The following GPC6 variants were observed in gnomAD, a reference collection of about 807,000 sequenced individuals.
GPC6 encodes the protein glypican 6.
A neutral mutation model predicts 55.2 loss-of-function variants in GPC6; 14 were observed. The observed-to-expected ratio is 0.25, with a 90% CI of 0.17 to 0.40. GPC6 has a LOEUF of 0.40. Ranked by LOEUF, GPC6 falls within the 10% of genes least tolerant of loss-of-function variation. GPC6 has a pLI of 1.00. For synonymous variants in GPC6, 278 were observed against 259.6 expected (o/e 1.07, Z -0.68); for missense variants, 641 against 708.5 (o/e 0.90, Z 1.08).
At chr13:94,182,283 T>C (rs888632390) in intron 4 of GPC6, among the ~76,000 whole-genome samples, 7 of 152,014 alleles carry the variant, frequency 4.6e-5, no homozygotes, top group Admixed American at 3.9e-4. Context: ...AAGGCTGATA[T>C]GATGATTAAT....
chr13:94,048,890 A>G (rs1883832217), intron 4 of GPC6, among the ~76,000 whole-genome samples: 1 of 151,884 alleles, frequency 6.6e-6, no homozygotes, highest in Non-Finnish European at 1.5e-5. Context: ...CTACTTCTGG[A>G]TGGCATTTCC....
intron 1 of GPC6, among the ~76,000 whole-genome samples, chr13:93,492,338 A>C (rs1243722986): frequency 7.5e-6 from 1 of 133,356 alleles, no homozygotes; most frequent in Non-Finnish European, 1.7e-5. Context: ...TTGTTGGTGT[A>C]TAAGAATGCT....
chr13:93,962,938 T>G (rs1879854829), intron 3 of GPC6, among the ~76,000 whole-genome samples: 1 of 152,158 alleles, frequency 6.6e-6, no homozygotes, highest in African/African-American at 2.4e-5. Flanking sequence ...TTGTTCTGAT[T>G]AGCTCTATCT....
chr13:93,608,687 A>G (rs1878343898), intron 2 of GPC6, among the ~76,000 whole-genome samples: 2 of 152,224 alleles, frequency 1.3e-5, no homozygotes, highest in Non-Finnish European at 2.9e-5. Flanking sequence ...GTCCTAGAGA[A>G]CAGTCTAATT....
intron 4 of GPC6, among the ~76,000 whole-genome samples, chr13:94,261,905 A>C (rs1289734248): frequency 6.6e-6 from 1 of 152,220 alleles, no homozygotes; most frequent in Non-Finnish European, 1.5e-5. Flanking sequence ...CTTTTTCAGA[A>C]GCTTGCCTGT....
chr13:93,486,881 G>T (rs1360109692), intron 1 of GPC6, among the ~76,000 whole-genome samples: 1 of 151,638 alleles, frequency 6.6e-6, no homozygotes, highest in Admixed American at 6.6e-5. Flanking sequence ...GGAGTTGGAG[G>T]TTGCAGTAAG....
chr13:93,527,957 T>G (rs1200272104), intron 1 of GPC6, among the ~76,000 whole-genome samples: 1 of 152,190 alleles, frequency 6.6e-6, no homozygotes, highest in Non-Finnish European at 1.5e-5. Context: ...TTTTACTCTA[T>G]GTGATATGAT....
chr13:93,873,824 G>A (rs1889207345), intron 3 of GPC6, among the ~76,000 whole-genome samples: 2 of 151,902 alleles, frequency 1.3e-5, no homozygotes, highest in South Asian at 2.1e-4. Context: ...TATCCATGAA[G>A]TGTTAATACA....
rs561645660 is a variant in GPC6, at chr13:93,428,471, C to G, written c.161-116792C>G. On this transcript the variant is annotated intron_variant, in intron 1 of 8. Coordinates refer to ENST00000377047, the MANE Select transcript of GPC6 (RefSeq NM_005708.5). ...TCTCAGGGATAAAAATCTATTTTCT[C>G]TCCATTAGAATATCATCTGTTGAAA... 2.0e-5 allele frequency among the ~76,000 whole-genome samples: 3 copies of G among 152,246 alleles called. No individual in the cohort carries two copies. The South Asian group carries it at 6.2e-4, about 32-fold the overall frequency.
At chr13:94,105,783 A>T (rs1176582606) in intron 4 of GPC6, among the ~76,000 whole-genome samples, 1 of 152,206 alleles carries the variant, frequency 6.6e-6, no homozygotes, top group African/African-American at 2.4e-5. Context: ...GGAATGGTGA[A>T]TCTTTACCGG....
rs577297473 is a variant in GPC6 at position 94,061,291 on chromosome 13, T to G, written c.877+33397T>G. ...TCCCATCTTAGTACTACAAAATCAC[T>G]GCCCCATAAAACAGGGAGCATTTTA... On this transcript the variant is annotated intron_variant, in intron 4 of 8. Transcript: ENST00000377047. Among the ~76,000 whole-genome samples the G allele has an allele frequency of 2.2e-4, 34 of 152,322 alleles. No individual in the cohort carries two copies. The South Asian group carries it at 7.0e-3, about 32-fold the overall frequency.
intron 3 of GPC6, among the ~76,000 whole-genome samples, chr13:93,947,568 G>A (rs1165923966): frequency 6.6e-6 from 1 of 152,188 alleles, no homozygotes; most frequent in Non-Finnish European, 1.5e-5. Context: ...TCAGGCAACT[G>A]AATTGAATGA....
intron 2 of GPC6, among the ~76,000 whole-genome samples, chr13:93,752,126 G>C (rs993003850): frequency 3.3e-5 from 5 of 152,088 alleles, no homozygotes; most frequent in African/African-American, 1.2e-4. Flanking sequence ...GGAGTAAGTT[G>C]GTTCCGAGTA....
chr13:93,854,635 T>C (rs1007472219), intron 3 of GPC6, among the ~76,000 whole-genome samples: 4 of 151,792 alleles, frequency 2.6e-5, no homozygotes, highest in Non-Finnish European at 4.4e-5. Flanking sequence ...AAGAAGCATC[T>C]ACATACATGG....
At chr13:93,343,623 T>C (rs1880335551) in intron 1 of GPC6, among the ~76,000 whole-genome samples, 1 of 152,204 alleles carries the variant, frequency 6.6e-6, no homozygotes, top group South Asian at 2.1e-4. Flanking sequence ...TCCATTGCCC[T>C]CCAACTAGTT....
intron 1 of GPC6, among the ~76,000 whole-genome samples, chr13:93,442,322 C>T (rs545401329): frequency 1.3e-5 from 2 of 152,264 alleles, no homozygotes; most frequent in Admixed American, 1.3e-4. Flanking sequence ...ATTGCTACTG[C>T]AGCCTCCTGG....
At chr13:94,102,184 T>C (rs1413913645) in intron 4 of GPC6, among the ~76,000 whole-genome samples, 1 of 152,154 alleles carries the variant, frequency 6.6e-6, no homozygotes, top group Admixed American at 6.6e-5. Flanking sequence ...TCTTTTTCTT[T>C]TCTGGTAATT....
At chr13:93,384,145 G>A (rs2762122) in intron 1 of GPC6, among the ~76,000 whole-genome samples, 112,844 of 151,890 alleles carry the variant, frequency 0.74, 42,734 homozygotes, top group Non-Finnish European at 0.84. Context: ...AAGTGCTTTA[G>A]AATGCTAAAG....
At chr13:94,284,655 GTTATT>G in intron 4 of GPC6, among the ~76,000 whole-genome samples, 1 of 151,756 alleles carries the variant, frequency 6.6e-6, no homozygotes, top group East Asian at 1.9e-4. Flanking sequence ...GTGCATCCAT[GTTATT>G]TTATCTAGAT....
Sources: gnomAD v4.1 joint callset for allele counts (sites outside exome capture counted in the v4.1 genomes callset) on GRCh38, gnomAD v4.1.1 for gene constraint, MANE v1.5 for transcripts, NCBI Gene and HGNC (gene_info 2026-07-23, HGNC 2026-07-21) for gene names.